Variants in HLA-G observed in about 807,000 individuals in gnomAD.
The protein encoded by HLA-G is HLA class I histocompatibility antigen, alpha chain G.
In HLA-G, 34 loss-of-function variants were observed where a neutral mutation model predicts 39.3. The ratio of observed to expected loss-of-function variants is 0.86; its 90% CI spans 0.66 to 1.15. The LOEUF is 1.15. Ranked by LOEUF, HLA-G falls within the 50% of genes most tolerant of loss-of-function variation. HLA-G has a pLI of 0.00. For missense variants in HLA-G, 419 were observed against 456.4 expected (o/e 0.92, Z 0.75); for synonymous variants, 183 against 185.8 (o/e 0.99, Z 0.12).
upstream of HLA-G, chr6:29,827,688 C>A: frequency 2.6e-6 from 2 of 769,628 alleles, no homozygotes; most frequent in Non-Finnish European, 4.5e-6. Flanking sequence ...CTTCTCCTAA[C>A]CTGTGTCGGG....
intron 6 of HLA-G, 23 bp downstream of exon 6, chr6:29,830,433 C>G (rs1761176332): frequency 1.2e-6 from 2 of 1,603,064 alleles, no homozygotes. Flanking sequence ...GAGGCTGATC[C>G]CTGAGATCCT....
rs547884515 is a variant in HLA-G, at chr6:29,827,975, G to C, written c.73+58G>C. The C allele has an allele frequency of 8.2e-6, 13 of 1,588,436 alleles. No individual in the cohort carries two copies. The Admixed American group carries it at 1.7e-4, about 21-fold the overall frequency. On this transcript the variant is annotated intron_variant, in intron 1 of 6. Transcript: ENST00000360323. The stretch of plus-strand genomic sequence containing the variant: ...GCGCGGAGGAGGGAGGGGCCGGCCC[G>C]GCGGGGGCGCAGGACTCGGCAGCCG...
chr6:29,826,881 G>A (rs1632947), upstream of HLA-G: 208,762 of 422,470 alleles, frequency 0.49, 53,524 homozygotes, highest in South Asian at 0.67. Context: ...CAGGCAGTGC[G>A]TGAGCACTAG....
upstream of HLA-G, chr6:29,826,978 T>C (rs1356835354): frequency 5.9e-6 from 3 of 512,264 alleles, no homozygotes; most frequent in African/African-American, 3.9e-5. Context: ...TATAGTAACA[T>C]AGTGTGGTAC....
Position 29,828,797 on chromosome 6 carries a change from A to G in HLA-G, c.598A>G (p.Lys200Glu). Reference protein sequence around the residue: ...EWLHRYLENGKEMLQRADPPK... With the variant: ...EWLHRYLENGEEMLQRADPPK... ...GCTCCACAGATACCTGGAGAACGGG[A>G]AGGAGATGCTGCAGCGCGCGGGTAC... is the stretch of plus-strand genomic sequence containing the variant. The change falls in exon 3 of 7, where the codon AAG becomes GAG. Residue 200 changes from lysine to glutamate, a missense_variant. Lys to Glu is a moderately conservative substitution (Grantham distance 56). Around this residue, in one of 2 missense-constraint regions of HLA-G, gnomAD observed 328 missense variants for 323.0 expected, o/e 1.02. Transcript: ENST00000360323. 2 of 1,614,026 alleles carry G rather than the reference A, an allele frequency of 1.2e-6. No individual in the cohort carries two copies. The highest frequency in any genetic ancestry group is 1.7e-6 in the Non-Finnish European group (2 of 1,180,004).
intron 4 of HLA-G, 60 bp downstream of exon 4, chr6:29,829,753 C>A: frequency 6.2e-7 from 1 of 1,605,300 alleles, no homozygotes; most frequent in Non-Finnish European, 8.5e-7. Flanking sequence ...CTCTGAAGAC[C>A]TTTAACAGGG....
chr6:29,828,687 C>T lies in HLA-G; in HGVS notation c.488C>T (p.Ala163Val). 1 of 1,613,636 alleles carries T rather than the reference C, an allele frequency of 6.2e-7. No homozygotes were observed. The highest frequency in any genetic ancestry group is 8.5e-7 in the Non-Finnish European group (1 of 1,180,032). Residue 163 changes from alanine to valine, a missense_variant, in exon 3 of 7, where the codon GCG becomes GTG. By Grantham distance (64) the Ala-to-Val change is moderately conservative. Around this residue, in one of 2 missense-constraint regions of HLA-G, gnomAD observed 328 missense variants for 323.0 expected, o/e 1.02. Transcript: ENST00000360323. ...CGCTCCTGGACCGCAGCGGACACTG[C>T]GGCTCAGATCTCCAAGCGCAAGTGT... ...DLRSWTAADTAAQISKRKCEA... is the reference protein window; with the variant it reads ...DLRSWTAADTVAQISKRKCEA...
chr6:29,827,477 C>G (rs924742489), upstream of HLA-G: 9 of 365,654 alleles, frequency 2.5e-5, no homozygotes, highest in Non-Finnish European at 4.8e-5. Flanking sequence ...GGGAGAGGGC[C>G]AGGGACCTTG....
chr6:29,828,763 C>A lies in HLA-G; in HGVS notation c.564C>A (p.Cys188Ter), dbSNP rs745428841. The A allele has an allele frequency of 6.2e-7, 1 of 1,614,020 alleles. No individual in the cohort carries two copies. The change falls in exon 3 of 7, where the codon TGC becomes TGA. Residue 188 changes from cysteine (C) to a stop codon, truncating the protein, a stop_gained. Transcript: ENST00000360323. LOFTEE classifies it high-confidence loss of function. ...EQRRAYLEGT[C>*]VEWLHRYLEN... ...GGAGAGCCTACCTGGAGGGCACGTG[C>A]GTGGAGTGGCTCCACAGATACCTGG...
intron 5 of HLA-G, 80 bp from the exon 6 acceptor site, chr6:29,830,298 G>T (rs1434834669): frequency 1.5e-5 from 22 of 1,500,832 alleles, no homozygotes; most frequent in African/African-American, 4.1e-5. Context: ...CTTCTCGAGG[G>T]TCCAAGACTA....
chr6:29,828,730 T>C lies in HLA-G; in HGVS notation c.531T>C (p.Ala177=). 1 of 1,613,734 alleles carries C rather than the reference T, an allele frequency of 6.2e-7. No homozygotes were observed. The highest frequency in any genetic ancestry group is 1.7e-5 in the Admixed American group (1 of 60,014). The change falls in exon 3 of 7, where the codon GCT becomes GCC. Residue 177 remains alanine, a synonymous_variant. Coordinates refer to ENST00000360323, the MANE Select transcript of HLA-G (RefSeq NM_001384290.1). ...SKRKCEAANV[A]EQRRAYLEGT... ...GCAAGTGTGAGGCGGCCAATGTGGC[T>C]GAACAAAGGAGAGCCTACCTGGAGG...
chr6:29,829,887 ACT>A lies in HLA-G; in HGVS notation c.968_969del (p.Thr323ArgfsTer96). 1 of 1,613,934 alleles carries A rather than the reference ACT, an allele frequency of 6.2e-7. No homozygotes were observed. Among genetic ancestry groups the A allele is most frequent in the South Asian group, 1.1e-5 (1 of 91,078 alleles). On this transcript the variant is annotated frameshift_variant, in exon 5 of 7. Transcript: ENST00000360323. LOFTEE classifies it high-confidence loss of function. ...CCTGGTTGTCCTTGCAGCTGTAGTC[ACT>A]GGAGCTGCGGTCGCTGCTGTGCTGT... ...AGLVVLAAVV[T>X]GAAVAAVLWR... is the part of the protein sequence containing the mutation.
intron 6 of HLA-G, 103 bp from the exon 7 acceptor site, chr6:29,830,665 T>A: frequency 1.5e-6 from 1 of 654,666 alleles, no homozygotes; most frequent in Middle Eastern, 2.6e-4. Context: ...AGCTGTGCTA[T>A]GAGGTTTCTT....
At position 29,828,640 on chromosome 6, in the gene HLA-G, C is replaced by T. The variant is rs765598773; in HGVS notation, c.441C>T (p.Tyr147=). The T allele has an allele frequency of 6.2e-7, 1 of 1,613,176 alleles. No homozygotes were observed. The highest frequency in any genetic ancestry group is 8.5e-7 in the Non-Finnish European group (1 of 1,180,028). The change falls in exon 3 of 7, where the codon TAC becomes TAT. Residue 147 remains tyrosine (Y), a synonymous_variant. Coordinates refer to ENST00000360323, the MANE Select transcript of HLA-G (RefSeq NM_001384290.1). ...YEQYAYDGKD[Y]LALNEDLRSW... is the part of the protein sequence containing the mutation. ...AGTATGCCTACGATGGCAAGGATTACCTCGCCCTGAACGAGGACCTGCGCT... is the reference window on the plus strand; with the variant it reads ...AGTATGCCTACGATGGCAAGGATTATCTCGCCCTGAACGAGGACCTGCGCT...
chr6:29,827,277 A>G, upstream of HLA-G: 1 of 356,342 alleles, frequency 2.8e-6, no homozygotes, highest in Non-Finnish European at 5.5e-6. Flanking sequence ...TCATGCACTC[A>G]GGCACAACTT....
chr6:29,827,647 G>A (rs1215019957), upstream of HLA-G: 3 of 653,500 alleles, frequency 4.6e-6, no homozygotes, highest in Non-Finnish European at 8.3e-6. Flanking sequence ...TGTATGGGTT[G>A]GGGAGGCCCC....
At chr6:29,830,259 C>A in intron 5 of HLA-G, 119 bp from the exon 6 acceptor site, 1 of 1,135,320 alleles carries the variant, frequency 8.8e-7, no homozygotes, top group Non-Finnish European at 1.3e-6. Flanking sequence ...TGATCCCGCC[C>A]TGGGTCTGCA....
chr6:29,829,085 C>T (rs1761009603), intron 3 of HLA-G, among the ~76,000 whole-genome samples: 1 of 151,972 alleles, frequency 6.6e-6, no homozygotes, highest in Admixed American at 6.5e-5. Context: ...TTCCCTTTGA[C>T]CCCACAGCAG....
chr6:29,826,871 C>T (rs1760722876), upstream of HLA-G: 1 of 392,702 alleles, frequency 2.5e-6, no homozygotes. Flanking sequence ...TTCCTAAAAA[C>T]AGGCAGTGCG....
Sources: gnomAD v4.1 joint callset for allele counts (sites outside exome capture counted in the v4.1 genomes callset) on GRCh38, gnomAD v4.1.1 for gene constraint, gnomAD v4.1.1 regional missense constraint, MANE v1.5 for transcripts, NCBI Gene and HGNC (gene_info 2026-07-23, HGNC 2026-07-21) for gene names.